Variants in MDFIC2 observed in about 807,000 individuals in gnomAD.
MDFIC2 encodes the protein MyoD family inhibitor domain containing 2, also known as myoD family inhibitor domain-containing protein 2.
intron 2 of MDFIC2, among the ~76,000 whole-genome samples, chr3:70,249,888 C>A (rs1010958203): frequency 6.6e-6 from 1 of 152,016 alleles, no homozygotes; most frequent in African/African-American, 2.4e-5. Flanking sequence ...TAAAAAAATT[C>A]TTGAGGGGGC....
chr3:70,305,694 C>T (rs1472818138), intron 2 of MDFIC2, among the ~76,000 whole-genome samples: 1 of 152,124 alleles, frequency 6.6e-6, no homozygotes, highest in African/African-American at 2.4e-5. Flanking sequence ...TATTAATGTT[C>T]ATGATCCAAA....
At chr3:70,212,011 C>T (rs1701356316) in intron 2 of MDFIC2, among the ~76,000 whole-genome samples, 1 of 151,728 alleles carries the variant, frequency 6.6e-6, no homozygotes, top group Non-Finnish European at 1.5e-5. Context: ...GTATTTTTTC[C>T]TTAAGACTTT....
chr3:70,245,193 G>T (rs897753486), intron 2 of MDFIC2, among the ~76,000 whole-genome samples: 3 of 151,898 alleles, frequency 2.0e-5, no homozygotes, highest in Non-Finnish European at 4.4e-5. Context: ...ATTTCTCTTG[G>T]CGTTAAGTCT....
chr3:70,265,902 G>A (rs928296466), intron 2 of MDFIC2, among the ~76,000 whole-genome samples: 69 of 152,224 alleles, frequency 4.5e-4, no homozygotes, highest in African/African-American at 1.5e-3. Flanking sequence ...TCACGAGAAC[G>A]GCATGGGGGA....
chr3:70,234,372 G>A (rs1261444851), intron 2 of MDFIC2, among the ~76,000 whole-genome samples: 2 of 152,206 alleles, frequency 1.3e-5, no homozygotes, highest in African/African-American at 4.8e-5. Context: ...TGCTAGGCTA[G>A]GCACAGTGGC....
At chr3:70,254,136 C>T (rs902238192) in intron 2 of MDFIC2, among the ~76,000 whole-genome samples, 2 of 72,104 alleles carry the variant, frequency 2.8e-5, no homozygotes, top group African/African-American at 5.2e-5. Context: ...CATAACAAAA[C>T]CCAGTTCCAA....
chr3:70,280,791 C>T (rs763194339), intron 2 of MDFIC2, among the ~76,000 whole-genome samples: 3 of 152,174 alleles, frequency 2.0e-5, no homozygotes, highest in Non-Finnish European at 2.9e-5. Flanking sequence ...TCTGACCTAA[C>T]TTGTTTGACT....
chr3:70,250,818 A>C (rs1163007027), intron 2 of MDFIC2, among the ~76,000 whole-genome samples: 2 of 152,198 alleles, frequency 1.3e-5, no homozygotes, highest in African/African-American at 4.8e-5. Context: ...CTTCTTCAGC[A>C]CACAGTTCTT....
chr3:70,258,903 A>T (rs1701841504), intron 2 of MDFIC2, among the ~76,000 whole-genome samples: 2 of 152,074 alleles, frequency 1.3e-5, no homozygotes, highest in Non-Finnish European at 2.9e-5. Context: ...TTTTTCTTCA[A>T]TTTCTTTAAT....
At chr3:70,268,396 A>G (rs1009674321) in intron 2 of MDFIC2, among the ~76,000 whole-genome samples, 1 of 146,326 alleles carries the variant, frequency 6.8e-6, no homozygotes, top group African/African-American at 2.5e-5. Flanking sequence ...AATCACTTGA[A>G]CCCGGGAGGC....
chr3:70,248,322 C>T (rs918382246), intron 2 of MDFIC2, among the ~76,000 whole-genome samples: 3 of 152,044 alleles, frequency 2.0e-5, no homozygotes, highest in Non-Finnish European at 2.9e-5. Flanking sequence ...TAATGTTCCA[C>T]CTCTGAAGGA....
chr3:70,281,935 T>C (rs1702088476), intron 2 of MDFIC2, among the ~76,000 whole-genome samples: 1 of 152,192 alleles, frequency 6.6e-6, no homozygotes, highest in African/African-American at 2.4e-5. Context: ...TTTTTGATTG[T>C]ACAGTAACAC....
intron 3 of MDFIC2, among the ~76,000 whole-genome samples, chr3:70,200,499 A>G (rs1372347701): frequency 6.6e-6 from 1 of 152,078 alleles, no homozygotes; most frequent in Non-Finnish European, 1.5e-5. Flanking sequence ...TGCATTGCAC[A>G]CCCTCCTGCC....
intron 2 of MDFIC2, among the ~76,000 whole-genome samples, chr3:70,238,940 T>G (rs1012027484): frequency 6.6e-6 from 1 of 152,232 alleles, no homozygotes; most frequent in Non-Finnish European, 1.5e-5. Flanking sequence ...GATTAAATTC[T>G]CTAAATCTAA....
chr3:70,237,963 A>G (rs1396380180), intron 2 of MDFIC2, among the ~76,000 whole-genome samples: 1 of 119,024 alleles, frequency 8.4e-6, no homozygotes, highest in East Asian at 2.4e-4. Context: ...GGGAAAAGAA[A>G]CTAATTGAGT....
chr3:70,249,627 T>A (rs1045549538), intron 2 of MDFIC2: 1 of 152,112 alleles, frequency 6.6e-6, no homozygotes, highest in African/African-American at 2.4e-5. Context: ...AGAAATGTAA[T>A]GTTTTGGTCA....
At chr3:70,246,065 T>C (rs890230920) in intron 2 of MDFIC2, among the ~76,000 whole-genome samples, 1 of 151,908 alleles carries the variant, frequency 6.6e-6, no homozygotes, top group Non-Finnish European at 1.5e-5. Context: ...AGTTCTTTTA[T>C]TCCCAAAAGA....
intron 3 of MDFIC2, among the ~76,000 whole-genome samples, chr3:70,199,170 T>C (rs1701210221): frequency 6.6e-6 from 1 of 152,144 alleles, no homozygotes; most frequent in Admixed American, 6.5e-5. Flanking sequence ...AAGTTTGCTT[T>C]GGAGTTAAGT....
chr3:70,248,939 C>G (rs1701733731), intron 2 of MDFIC2, among the ~76,000 whole-genome samples: 1 of 152,100 alleles, frequency 6.6e-6, no homozygotes, highest in African/African-American at 2.4e-5. Flanking sequence ...GACATTATTC[C>G]AATTGACAAC....
Sources: gnomAD v4.1 joint callset for allele counts (sites outside exome capture counted in the v4.1 genomes callset) on GRCh38, gnomAD v4.1.1 for gene constraint, MANE v1.5 for transcripts, NCBI Gene and HGNC (gene_info 2026-07-23, HGNC 2026-07-21) for gene names.